The following TPST1 variants were observed in gnomAD, a reference collection of about 807,000 sequenced individuals.
TPST1 encodes the protein protein-tyrosine sulfotransferase 1.
In TPST1, 20 loss-of-function variants were observed where a neutral mutation model predicts 34.8. The ratio of observed to expected loss-of-function variants is 0.57; its 90% CI spans 0.40 to 0.84. The LOEUF (loss-of-function observed/expected upper bound fraction) is 0.84, where lower values mean the gene tolerates loss of function less well. Ranked by LOEUF, TPST1 falls within the 40% of genes least tolerant of loss-of-function variation. TPST1 has a pLI of 0.00. For missense variants in TPST1, 353 were observed against 455.5 expected (o/e 0.78, Z 2.05); for synonymous variants, 152 against 159.4 (o/e 0.95, Z 0.35).
chr7:66,221,595 A>C (rs1374718684), intron 1 of TPST1: 1 of 152,224 alleles, frequency 6.6e-6, no homozygotes, highest in Non-Finnish European at 1.5e-5. Flanking sequence ...TTGCAAATCG[A>C]TTTGAATCAT....
At chr7:66,321,500 A>G (rs1235108931) in intron 3 of TPST1, among the ~76,000 whole-genome samples, 1 of 152,256 alleles carries the variant, frequency 6.6e-6, no homozygotes, top group African/African-American at 2.4e-5. Flanking sequence ...CTTATCAGAC[A>G]TAAGATTCTA....
chr7:66,336,309 CA>C (rs369471875), intron 3 of TPST1, among the ~76,000 whole-genome samples: 12,199 of 83,980 alleles, frequency 0.15, 1,038 homozygotes, highest in African/African-American at 0.35. Context: ...GACTCCGCCT[CA>C]AAAAAAAAAA....
rs71051352 is a variant in TPST1, at chr7:66,347,059, C to CTTTTTTT, written c.1045-5426_1045-5420dup. ...TTTCTTCTTTTTTTCCTTTGCTTTT[C>CTTTTTTT]TTTTTTTTTTTTTTTTTTTTTTTTT... On this transcript the variant is annotated intron_variant, in intron 3 of 5. Coordinates refer to ENST00000304842, the MANE Select transcript of TPST1 (RefSeq NM_003596.4). Among the ~76,000 whole-genome samples the CTTTTTTT allele has an allele frequency of 3.0e-3, 180 of 59,976 alleles. 50 individuals are homozygous for CTTTTTTT. Among genetic ancestry groups the CTTTTTTT allele is most frequent in the East Asian group, 6.0e-3 (11 of 1,844 alleles). 39.3% of individuals were successfully genotyped at this position (59,976 alleles called of 152,430 possible).
chr7:66,317,267 G>A (rs573427398), intron 3 of TPST1, among the ~76,000 whole-genome samples: 1 of 151,722 alleles, frequency 6.6e-6, no homozygotes, highest in South Asian at 2.1e-4. Flanking sequence ...TTGGTGGGGG[G>A]TTTGCTTATT....
At chr7:66,343,474 G>A (rs977831240) in intron 3 of TPST1, among the ~76,000 whole-genome samples, 3 of 152,126 alleles carry the variant, frequency 2.0e-5, no homozygotes, top group Non-Finnish European at 1.5e-5. Context: ...GACCTGGGTA[G>A]CAGGATCAGT....
At chr7:66,246,179 ATTTTTTTTTTTTTTT>A (rs35051150) in intron 2 of TPST1, among the ~76,000 whole-genome samples, 11 of 92,384 alleles carry the variant, frequency 1.2e-4, no homozygotes, top group Non-Finnish European at 1.6e-4. Flanking sequence ...TGCCTGGCTA[ATTTTTTTTTTTTTTT>A]TTTTTTTTTT....
At chr7:66,232,446 C>T (rs1369401310) in intron 1 of TPST1, among the ~76,000 whole-genome samples, 1 of 152,002 alleles carries the variant, frequency 6.6e-6, no homozygotes, top group Non-Finnish European at 1.5e-5. Context: ...GATCTCCACT[C>T]ACTGCAAGCT....
Position 66,357,956 on chromosome 7 carries a change from G to C in TPST1, c.*29+1085G>C, listed in dbSNP as rs371711445. Among the ~76,000 whole-genome samples, 21 of 152,172 alleles carry C rather than the reference G, an allele frequency of 1.4e-4. No individual in the cohort carries two copies. In the East Asian group the frequency reaches 3.3e-3, roughly 24 times the overall value. Reference sequence around the variant, plus strand: ...AAAATTAGCTGGGTGTGGTGGCAGGGACCTGTAATCCCAGCTACTTGGGAG... The same window carrying C: ...AAAATTAGCTGGGTGTGGTGGCAGGCACCTGTAATCCCAGCTACTTGGGAG... On this transcript the variant is annotated intron_variant, in intron 5 of 5. Transcript: ENST00000304842.
At chr7:66,276,319 CT>C (rs1349823628) in intron 2 of TPST1, among the ~76,000 whole-genome samples, 2 of 136,306 alleles carry the variant, frequency 1.5e-5, no homozygotes, top group African/African-American at 5.8e-5. Context: ...ATATTTTTCA[CT>C]TTCTTTTGAA....
chr7:66,301,560 C>T (rs925763368), intron 3 of TPST1, among the ~76,000 whole-genome samples: 3 of 152,170 alleles, frequency 2.0e-5, no homozygotes, highest in African/African-American at 7.2e-5. Context: ...GAGAGATATG[C>T]GACTATTCCT....
chr7:66,304,509 T>A (rs772880191), intron 3 of TPST1, among the ~76,000 whole-genome samples: 4 of 152,210 alleles, frequency 2.6e-5, no homozygotes, highest in African/African-American at 4.8e-5. Context: ...TAATTTTCTG[T>A]CCTAGACAAC....
intron 3 of TPST1, among the ~76,000 whole-genome samples, chr7:66,317,668 G>A (rs1008332945): frequency 2.0e-5 from 3 of 151,592 alleles, no homozygotes; most frequent in Admixed American, 6.6e-5. Flanking sequence ...GTTTTTCTAG[G>A]AAGTGTAGGG....
intron 1 of TPST1, among the ~76,000 whole-genome samples, chr7:66,212,708 C>T (rs1353712524): frequency 1.3e-5 from 2 of 152,148 alleles, no homozygotes; most frequent in East Asian, 3.8e-4. Context: ...GATTCCCCCA[C>T]CTTGGCCTCC....
chr7:66,274,169 C>G lies in TPST1; in HGVS notation c.846-12342C>G, dbSNP rs574926816. ...GGATCACAAGGTCAGGAGATCGAGA[C>G]CATCCTGGCTAACACGGTGAAACCC... On this transcript the variant is annotated intron_variant, in intron 2 of 5. Transcript: ENST00000304842. Among the ~76,000 whole-genome samples, 3 of 151,674 alleles carry G rather than the reference C, an allele frequency of 2.0e-5. No homozygotes were observed. In the East Asian group the frequency reaches 5.9e-4, roughly 30 times the overall value.
At chr7:66,327,846 A>G (rs917879961) in intron 3 of TPST1, among the ~76,000 whole-genome samples, 6 of 152,044 alleles carry the variant, frequency 3.9e-5, no homozygotes, top group African/African-American at 1.4e-4. Flanking sequence ...TCATTGGTAC[A>G]TATTTCTGGA....
chr7:66,210,270 A>G (rs1789216090), intron 1 of TPST1, among the ~76,000 whole-genome samples: 1 of 152,178 alleles, frequency 6.6e-6, no homozygotes, highest in Admixed American at 6.5e-5. Context: ...ATACAGGAAA[A>G]TAAACAAATT....
intron 3 of TPST1, among the ~76,000 whole-genome samples, chr7:66,335,427 C>G (rs1045650601): frequency 1.3e-5 from 2 of 151,796 alleles, no homozygotes; most frequent in Admixed American, 6.6e-5. Flanking sequence ...TGAACGCCAG[C>G]CTGGGCAACA....
At chr7:66,356,030 C>T (rs1236580505) in intron 4 of TPST1, among the ~76,000 whole-genome samples, 1 of 151,086 alleles carries the variant, frequency 6.6e-6, no homozygotes, top group African/African-American at 2.4e-5. Flanking sequence ...CAGAGGGAAA[C>T]CTTGTCTATT....
chr7:66,322,683 A>G (rs1396460281), intron 3 of TPST1, among the ~76,000 whole-genome samples: 1 of 152,238 alleles, frequency 6.6e-6, no homozygotes, highest in East Asian at 1.9e-4. Flanking sequence ...ATAGTGCTGC[A>G]GTGAACATGA....
Sources: gnomAD v4.1 joint callset for allele counts (sites outside exome capture counted in the v4.1 genomes callset) on GRCh38, gnomAD v4.1.1 for gene constraint, MANE v1.5 for transcripts, NCBI Gene and HGNC (gene_info 2026-07-23, HGNC 2026-07-21) for gene names.